The following MID1 variants were observed in gnomAD, a reference collection of about 807,000 sequenced individuals.
The protein encoded by MID1 is E3 ubiquitin-protein ligase Midline-1.
MID1 carries 7 observed loss-of-function variants against 40.4 expected under a neutral mutation model. The observed-to-expected ratio is 0.17, with a 90% CI of 0.10 to 0.33. MID1 has a LOEUF of 0.33. Ranked by LOEUF, MID1 falls within the 10% of genes least tolerant of loss-of-function variation. MID1 has a pLI of 1.00. For synonymous variants in MID1, 229 were observed against 221.2 expected, an observed-to-expected ratio of 1.04 and a Z score of -0.31; for missense variants, 367 against 558.5, an observed-to-expected ratio of 0.66 and a Z score of 3.46.
At chrX:10,738,122 G>T (rs1035456742) in intron 1 of MID1, among the ~76,000 whole-genome samples, 1 of 111,567 alleles carries the variant, frequency 9.0e-6, no homozygotes, top group Non-Finnish European at 1.9e-5. Flanking sequence ...GACAGTTAGC[G>T]GTCATCCCCC....
At chrX:10,656,378 G>GC (rs2042872533) in intron 1 of MID1, among the ~76,000 whole-genome samples, 1 of 111,716 alleles carries the variant, frequency 9.0e-6, no homozygotes, top group Non-Finnish European at 1.9e-5. Context: ...TGTCAGGTTG[G>GC]CCCCCTTCCT....
chrX:10,804,270 T>C (rs2044028684), intron 1 of MID1, among the ~76,000 whole-genome samples: 2 of 112,788 alleles, frequency 1.8e-5, no homozygotes, highest in South Asian at 7.3e-4. Flanking sequence ...CTACCATATC[T>C]GAATCTGGTT....
intron 1 of MID1, among the ~76,000 whole-genome samples, chrX:10,807,176 C>T (rs945828015): frequency 9.1e-6 from 1 of 109,633 alleles, no homozygotes; most frequent in South Asian, 4.0e-4. Context: ...ACTTGGGAGG[C>T]GGAGGTTGCA....
At chrX:10,692,259 T>C (rs2043135660) in intron 1 of MID1, among the ~76,000 whole-genome samples, 2 of 111,413 alleles carry the variant, frequency 1.8e-5, no homozygotes, top group South Asian at 3.8e-4. Context: ...GAGGTTGCCA[T>C]CACGGTCCTA....
At chrX:10,796,283 T>C (rs1047165218) in intron 1 of MID1, among the ~76,000 whole-genome samples, 2 of 112,058 alleles carry the variant, frequency 1.8e-5, no homozygotes, top group African/African-American at 6.5e-5. Flanking sequence ...AGTCACAGTA[T>C]AATGTGATTT....
chrX:10,782,857 T>A (rs1274848921), intron 1 of MID1, among the ~76,000 whole-genome samples: 1 of 111,726 alleles, frequency 9.0e-6, no homozygotes, highest in Non-Finnish European at 1.9e-5. Flanking sequence ...CCCGGCAGCA[T>A]CAACATCACT....
intron 1 of MID1, among the ~76,000 whole-genome samples, chrX:10,573,054 C>G (rs1934781318): frequency 8.9e-6 from 1 of 112,606 alleles, no homozygotes; most frequent in South Asian, 3.7e-4. Flanking sequence ...TGACAGATTA[C>G]AGTGAAGCCC....
rs184406972 is a variant in MID1 at position 10,718,247 on chromosome X, T to C, written c.-186-97828A>G. 2.3e-3 allele frequency among the ~76,000 whole-genome samples: 261 copies of C among 111,624 alleles called. 1 individual carries two copies. The highest frequency in any genetic ancestry group is 3.5e-3 in the Non-Finnish European group (186 of 53,116). ...CACAAAAAGCCCTTCAAAAAATCAA[T>C]GAAGCCAGGAGCTGGTTTTTTGAAA... On this transcript the variant is annotated intron_variant, in intron 1 of 10. Coordinates refer to the MID1 transcript ENST00000380785.
At chrX:10,450,465 T>TAAGTC (rs111600940) in intron 9 of MID1, among the ~76,000 whole-genome samples, 1,505 of 112,588 alleles carry the variant, frequency 0.013, 22 homozygotes, top group African/African-American at 0.046. Flanking sequence ...GAATACATGT[T>TAAGTC]AAGTCCCAGG....
chrX:10,765,947 GAAAGAAA>G (rs776642512), intron 1 of MID1, among the ~76,000 whole-genome samples: 325 of 11,643 alleles, frequency 0.028, 1 homozygote, highest in South Asian at 0.061. Flanking sequence ...GGAAAGGAAA[GAAAGAAA>G]GAAAGAAAGA....
In MID1 at chrX:10,482,519, T is replaced by C; in HGVS notation, c.974A>G (p.His325Arg). Residue 325 changes from histidine (H) to arginine (R), a missense_variant, in exon 5 of 10, where the codon CAT (histidine) becomes CGT (arginine). Coordinates refer to ENST00000317552, the MANE Select transcript of MID1 (RefSeq NM_000381.4). ...CTTAGCAGTCTGTAGGAAACGCGCA[T>C]GATCATTCTCCTTCAGAGAGTGTTC... Reference protein sequence around the residue: ...QAEHSLKENDHARFLQTAKNI... With the variant: ...QAEHSLKENDRARFLQTAKNI... 5.8e-6 allele frequency: 7 copies of C among 1,211,391 alleles called. No individual in the cohort carries two copies. Among genetic ancestry groups the C allele is most frequent in the Non-Finnish European group, 7.8e-6 (7 of 895,379 alleles).
chrX:10,705,794 T>C (rs1237374736), intron 1 of MID1, among the ~76,000 whole-genome samples: 1 of 112,188 alleles, frequency 8.9e-6, no homozygotes, highest in East Asian at 2.8e-4. Context: ...AATCCTGCCT[T>C]ACCCATTGGC....
At chrX:10,485,698 C>G (rs1930578174) in intron 4 of MID1, among the ~76,000 whole-genome samples, 1 of 111,833 alleles carries the variant, frequency 8.9e-6, no homozygotes, top group Non-Finnish European at 1.9e-5. Context: ...GTTTTAAACA[C>G]TTATTTTTAT....
Position 10,553,963 on chromosome X carries a change from T to C in MID1, c.660+12925A>G, listed in dbSNP as rs189614200. 1.4e-4 allele frequency among the ~76,000 whole-genome samples: 16 copies of C among 112,031 alleles called. No homozygotes were observed. The Admixed American group carries it at 1.5e-3, about 11-fold the overall frequency. On this transcript the variant is annotated intron_variant, in intron 2 of 9. Transcript: ENST00000317552. ...GGTATGTTTGGACCATAGTTGTTTC[T>C]GCTTTAATCATAGGTGACGATTAGT...
chrX:10,475,999 TG>T (rs1379532091), intron 5 of MID1, among the ~76,000 whole-genome samples: 1 of 111,445 alleles, frequency 9.0e-6, no homozygotes, highest in East Asian at 2.8e-4. Context: ...ATTACATCTG[TG>T]GGTATATATC....
chrX:10,771,973 A>T (rs935772343), intron 1 of MID1, among the ~76,000 whole-genome samples: 2 of 110,930 alleles, frequency 1.8e-5, no homozygotes, highest in Non-Finnish European at 3.8e-5. Flanking sequence ...CTACCATTTG[A>T]TCCAGCAATC....
intron 1 of MID1, among the ~76,000 whole-genome samples, chrX:10,727,184 A>G (rs1438202754): frequency 8.9e-6 from 1 of 112,262 alleles, no homozygotes; most frequent in East Asian, 2.8e-4. Context: ...GCACAATCTC[A>G]GCTCACTACA....
intron 6 of MID1, among the ~76,000 whole-genome samples, chrX:10,470,591 C>T (rs977597683): frequency 2.4e-4 from 27 of 112,130 alleles, no homozygotes; most frequent in African/African-American, 4.9e-4. Context: ...TCAACTCATG[C>T]GATATTTCAA....
At chrX:10,630,560 G>A (rs761113359) in intron 1 of MID1, among the ~76,000 whole-genome samples, 2 of 110,446 alleles carry the variant, frequency 1.8e-5, no homozygotes, top group East Asian at 2.8e-4. Flanking sequence ...GTGGTTGTGG[G>A]TGGGTGTTGG....
Sources: gnomAD v4.1 joint callset for allele counts (sites outside exome capture counted in the v4.1 genomes callset) on GRCh38, gnomAD v4.1.1 for gene constraint, MANE v1.5 for transcripts, NCBI Gene and HGNC (gene_info 2026-07-23, HGNC 2026-07-21) for gene names.